Variants in FGF2 observed in about 807,000 individuals in gnomAD.
FGF2 encodes fibroblast growth factor 2.
A neutral mutation model predicts 15.9 loss-of-function variants in FGF2; 13 were observed. The observed-to-expected ratio is 0.82, with a 90% CI of 0.53 to 1.30. The LOEUF (loss-of-function observed/expected upper bound fraction) is 1.30, where lower values mean the gene tolerates loss of function less well. FGF2 is among the 50% of genes most tolerant of loss of function. The pLI, the probability that FGF2 is intolerant of heterozygous loss-of-function variation, is 0.00. For synonymous variants in FGF2, 90 were observed against 78.4 expected (o/e 1.15, Z -0.78); for missense variants, 163 against 196.9 (o/e 0.83, Z 1.03).
rs1491410031 is a variant in FGF2 at position 122,827,852 on chromosome 4, ACT to A, written c.178+503_178+504del. 6.6e-5 allele frequency among the ~76,000 whole-genome samples: 10 copies of A among 152,030 alleles called. No homozygotes were observed. Among genetic ancestry groups the A allele is most frequent in the African/African-American group, 2.4e-4 (10 of 41,388 alleles). On this transcript the variant is annotated intron_variant, in intron 1 of 2. Coordinates refer to ENST00000644866, the MANE Select transcript of FGF2 (RefSeq NM_001361665.2). This position sits in a 1 kb window ranked among gnomAD's most constrained non-coding sequence, Gnocchi z 4.2. ...GGCATATGGCACACTACTCTCACCCACTCTGTTTTATATTTTTCCGAATTGAC... is the reference window on the plus strand; with the variant it reads ...GGCATATGGCACACTACTCTCACCCACTGTTTTATATTTTTCCGAATTGAC...
At chr4:122,857,209 G>A (rs1245242440) in intron 1 of FGF2, among the ~76,000 whole-genome samples, 1 of 151,630 alleles carries the variant, frequency 6.6e-6, no homozygotes, top group African/African-American at 2.4e-5. Context: ...CAGTGGCAGA[G>A]CATTTCTAGC....
chr4:122,895,772 G>C lies in FGF2; in HGVS notation c.*3376G>C, dbSNP rs1225376851. ...TACCTAGTATTATGAAAGAATGAAG[G>C]AGTTCAAACAAATGTGTTTCCCAGT... On this transcript the variant is annotated 3_prime_UTR_variant, in exon 3 of 3. Coordinates refer to ENST00000644866, the MANE Select transcript of FGF2 (RefSeq NM_001361665.2). 2 of 152,184 alleles carry C rather than the reference G, an allele frequency of 1.3e-5. No individual in the cohort carries two copies. Among genetic ancestry groups the C allele is most frequent in the Non-Finnish European group, 2.9e-5 (2 of 68,024 alleles). 9.4% of individuals were successfully genotyped at this position (152,184 alleles called of 1,614,324 possible).
chr4:122,849,558 A>G (rs1287204758), intron 1 of FGF2, among the ~76,000 whole-genome samples: 3 of 152,088 alleles, frequency 2.0e-5, no homozygotes, highest in Non-Finnish European at 4.4e-5. Context: ...TGTGTAACAA[A>G]CCTGCACGTT....
At chr4:122,886,309 T>C (rs1035048028) in intron 2 of FGF2, among the ~76,000 whole-genome samples, 4 of 152,208 alleles carry the variant, frequency 2.6e-5, no homozygotes, top group Non-Finnish European at 5.9e-5. Context: ...TATAATGGTA[T>C]ATGTTATCTT....
At chr4:122,871,099 G>T (rs547546194) in intron 1 of FGF2, among the ~76,000 whole-genome samples, 58 of 152,128 alleles carry the variant, frequency 3.8e-4, no homozygotes, top group Non-Finnish European at 6.9e-4. Flanking sequence ...TCATTCAGGA[G>T]CAGGTTGTTC....
At chr4:122,860,447 CTTTTTTTTTTT>C (rs34541038) in intron 1 of FGF2, among the ~76,000 whole-genome samples, 4 of 90,918 alleles carry the variant, frequency 4.4e-5, no homozygotes, top group Non-Finnish European at 7.9e-5. Flanking sequence ...CTAAGGTTAA[CTTTTTTTTTTT>C]TTTTTTTTTT....
At chr4:122,846,883 C>A (rs1264995139) in intron 1 of FGF2, among the ~76,000 whole-genome samples, 1 of 152,186 alleles carries the variant, frequency 6.6e-6, no homozygotes, top group Non-Finnish European at 1.5e-5. Context: ...GTTCCTGTTT[C>A]GGGAAACACT....
In FGF2 at chr4:122,894,761, G is replaced by A. The variant is rs1727299896; in HGVS notation, c.*2365G>A. On this transcript the variant is annotated 3_prime_UTR_variant, in exon 3 of 3. Transcript: ENST00000644866. ...TTATGCTTTGAAAAATAATTATGGG[G>A]AAATACATGTTTGTTATTAAATTTA... 1 of 151,944 alleles carries A rather than the reference G, an allele frequency of 6.6e-6. No individual in the cohort carries two copies. Among genetic ancestry groups the A allele is most frequent in the South Asian group, 2.1e-4 (1 of 4,822 alleles). 9.4% of individuals were successfully genotyped at this position (151,944 alleles called of 1,614,324 possible).
intron 1 of FGF2, among the ~76,000 whole-genome samples, chr4:122,866,591 A>G (rs1337203005): frequency 6.6e-6 from 1 of 152,232 alleles, no homozygotes; most frequent in African/African-American, 2.4e-5. Flanking sequence ...GATGCTCAAC[A>G]TTATTACCCA....
rs754288121 is a variant in FGF2, at chr4:122,893,243, T to G, written c.*847T>G. On this transcript the variant is annotated 3_prime_UTR_variant, in exon 3 of 3. Transcript: ENST00000644866. ...TGTGTCTCCTACGTAAAAAAAGAGA[T>G]GTACAAATCAATAATAATTACACTT... The G allele has an allele frequency of 2.6e-6, 4 of 1,562,788 alleles. No individual in the cohort carries two copies. The East Asian group carries it at 9.0e-5, about 35-fold the overall frequency.
chr4:122,858,737 A>T (rs1409725356), intron 1 of FGF2, among the ~76,000 whole-genome samples: 1 of 152,026 alleles, frequency 6.6e-6, no homozygotes, highest in Non-Finnish European at 1.5e-5. Context: ...TTTGTCAGTT[A>T]TCTATGCATT....
At chr4:122,830,814 T>TAAAAAAAAA (rs1383835924) in intron 1 of FGF2, among the ~76,000 whole-genome samples, 1 of 31,658 alleles carries the variant, frequency 3.2e-5, no homozygotes, top group African/African-American at 1.4e-4. Flanking sequence ...TGCTCTTATT[T>TAAAAAAAAA]ACAAAAAAAA....
At chr4:122,842,715 T>TA (rs1444249858) in intron 1 of FGF2, among the ~76,000 whole-genome samples, 1 of 152,228 alleles carries the variant, frequency 6.6e-6, no homozygotes, top group African/African-American at 2.4e-5. Context: ...AGCTTATTTT[T>TA]ATCTTATGGT....
chr4:122,880,510 A>T (rs1447925787), intron 2 of FGF2, among the ~76,000 whole-genome samples: 3 of 152,048 alleles, frequency 2.0e-5, no homozygotes, highest in Non-Finnish European at 4.4e-5. Flanking sequence ...GGCCTCCCAA[A>T]GTGCTGGGAT....
At chr4:122,888,726 G>T (rs1170470573) in intron 2 of FGF2, 1 of 152,174 alleles carries the variant, frequency 6.6e-6, no homozygotes, top group Non-Finnish European at 1.5e-5. Flanking sequence ...TCTCAATGGA[G>T]CCTACTGTGA....
intron 1 of FGF2, among the ~76,000 whole-genome samples, chr4:122,861,955 G>T (rs1726479791): frequency 6.6e-6 from 1 of 152,072 alleles, no homozygotes; most frequent in South Asian, 2.1e-4. Flanking sequence ...TCTCTGTTCA[G>T]GCTGGGTTAG....
At chr4:122,891,067 G>A (rs1204630607) in intron 2 of FGF2, among the ~76,000 whole-genome samples, 1 of 141,502 alleles carries the variant, frequency 7.1e-6, no homozygotes, top group Non-Finnish European at 1.5e-5. Context: ...TTGAGACGGA[G>A]TCTCGCTGTG....
At chr4:122,871,255 A>AGAATAAATGCCATGTGGTACT in intron 1 of FGF2, among the ~76,000 whole-genome samples, 1 of 152,128 alleles carries the variant, frequency 6.6e-6, no homozygotes, top group Non-Finnish European at 1.5e-5. Context: ...GGTCGGTTTT[A>AGAATAAATGCCATGTGGTACT]GAATAAATGC....
intron 1 of FGF2, among the ~76,000 whole-genome samples, chr4:122,850,760 A>G (rs1726213938): frequency 6.6e-6 from 1 of 152,140 alleles, no homozygotes; most frequent in Admixed American, 6.5e-5. Flanking sequence ...TCTCACAAGA[A>G]GAAGGGAGCA....
Sources: gnomAD v4.1 joint callset for allele counts (sites outside exome capture counted in the v4.1 genomes callset) on GRCh38, gnomAD v4.1.1 for gene constraint, Gnocchi (gnomAD v3.1) non-coding constraint, MANE v1.5 for transcripts, NCBI Gene and HGNC (gene_info 2026-07-23, HGNC 2026-07-21) for gene names.